Variants in SS18 observed in about 807,000 individuals in gnomAD.
SS18 encodes the protein protein SSXT.
A neutral mutation model predicts 72.5 loss-of-function variants in SS18; 28 were observed. The observed-to-expected ratio is 0.39, with a 90% CI of 0.29 to 0.53. SS18 has a LOEUF of 0.53. SS18 is among the 20% of genes least tolerant of loss of function. SS18 has a pLI of 0.76. For missense variants in SS18, 518 were observed against 535.3 expected, an observed-to-expected ratio of 0.97 and a Z score of 0.32; for synonymous variants, 172 against 164.2, an observed-to-expected ratio of 1.05 and a Z score of -0.37.
chr18:26,044,279 GTA>G (rs1568002312), intron 5 of SS18, among the ~76,000 whole-genome samples: 5 of 151,776 alleles, frequency 3.3e-5, no homozygotes, highest in African/African-American at 1.2e-4. Context: ...ATATAGTGAA[GTA>G]AGACGTGTTT....
At chr18:26,075,484 T>C (rs1490587773) in intron 3 of SS18, among the ~76,000 whole-genome samples, 2 of 152,080 alleles carry the variant, frequency 1.3e-5, no homozygotes, top group South Asian at 2.1e-4. Context: ...AAAAGTCTTA[T>C]AATCATCTCA....
Position 26,065,097 on chromosome 18 carries a change from T to C in SS18, c.232-7355A>G, listed in dbSNP as rs187536269. ...AAAGAGTTCACAAAATGGAAGGATA[T>C]GCCATCTTTGTTGACTGGAAGATTT... On this transcript the variant is annotated intron_variant, in intron 3 of 10. Coordinates refer to ENST00000415083, the MANE Select transcript of SS18 (RefSeq NM_001007559.3). 3.7e-3 allele frequency among the ~76,000 whole-genome samples: 570 copies of C among 152,262 alleles called. 1 individual carries two copies. The highest frequency in any genetic ancestry group is 6.0e-3 in the Non-Finnish European group (407 of 67,962).
intron 7 of SS18, 104 bp downstream of exon 7, chr18:26,038,451 C>A: frequency 9.6e-7 from 1 of 1,045,142 alleles, no homozygotes; most frequent in South Asian, 1.4e-5. Flanking sequence ...TTAGAGGAAA[C>A]AAATTGTTAG....
chr18:26,029,137 T>C (rs1015146525), intron 10 of SS18, among the ~76,000 whole-genome samples: 1 of 152,108 alleles, frequency 6.6e-6, no homozygotes, highest in Non-Finnish European at 1.5e-5. Context: ...AGAAACTCAC[T>C]TGATGCATGT....
At chr18:26,081,051 C>T (rs570238095) in intron 2 of SS18, among the ~76,000 whole-genome samples, 24 of 140,910 alleles carry the variant, frequency 1.7e-4, no homozygotes, top group South Asian at 4.3e-4. Flanking sequence ...ATTTTCAGTC[C>T]GCAGTCCGGC....
intron 5 of SS18, 101 bp from the exon 6 acceptor site, chr18:26,039,557 T>A (rs1427783051): frequency 3.2e-5 from 34 of 1,068,982 alleles, no homozygotes; most frequent in Non-Finnish European, 4.1e-5. Context: ...CAAAAATATA[T>A]AATTAAATGC....
At chr18:26,054,257 T>A (rs1241936875) in intron 4 of SS18, among the ~76,000 whole-genome samples, 2 of 152,208 alleles carry the variant, frequency 1.3e-5, no homozygotes, top group African/African-American at 4.8e-5. Flanking sequence ...AATCCATGGA[T>A]GTGAAATTCA....
At chr18:26,069,054 G>C (rs1726856408) in intron 3 of SS18, among the ~76,000 whole-genome samples, 1 of 152,110 alleles carries the variant, frequency 6.6e-6, no homozygotes, top group African/African-American at 2.4e-5. Context: ...ACCATCAGTT[G>C]AGTCTCCAAA....
At chr18:26,083,220 G>A (rs1359803787) in intron 2 of SS18, among the ~76,000 whole-genome samples, 1 of 152,104 alleles carries the variant, frequency 6.6e-6, no homozygotes, top group African/African-American at 2.4e-5. Context: ...GTGAGAAAAT[G>A]AGATCTAATC....
chr18:26,047,778 G>A (rs2053854698), intron 5 of SS18, among the ~76,000 whole-genome samples: 1 of 151,930 alleles, frequency 6.6e-6, no homozygotes, highest in Non-Finnish European at 1.5e-5. Flanking sequence ...AGGAGGCAGA[G>A]CTTGCAGTGA....
intron 5 of SS18, among the ~76,000 whole-genome samples, chr18:26,040,587 T>A (rs1288967792): frequency 6.6e-6 from 1 of 152,074 alleles, no homozygotes; most frequent in South Asian, 2.1e-4. Context: ...TAACAAACAA[T>A]TAAAAACAAA....
intron 10 of SS18, among the ~76,000 whole-genome samples, chr18:26,023,898 T>A (rs539832239): frequency 6.6e-6 from 1 of 150,890 alleles, no homozygotes; most frequent in African/African-American, 2.5e-5. Context: ...AAAAATAAAT[T>A]CAATACACTG....
At chr18:26,060,432 T>G (rs889868460) in intron 3 of SS18, among the ~76,000 whole-genome samples, 6 of 152,046 alleles carry the variant, frequency 3.9e-5, no homozygotes, top group African/African-American at 1.2e-4. Flanking sequence ...AGTTTTCACT[T>G]TATTAGGGTA....
At chr18:26,028,641 AAAG>A (rs2053492242) in intron 10 of SS18, among the ~76,000 whole-genome samples, 1 of 152,256 alleles carries the variant, frequency 6.6e-6, no homozygotes, top group Non-Finnish European at 1.5e-5. Context: ...ATGCTGAGTA[AAAG>A]AAGCCAGATA....
intron 10 of SS18, among the ~76,000 whole-genome samples, chr18:26,031,605 A>C (rs1321709963): frequency 6.6e-6 from 1 of 152,226 alleles, no homozygotes; most frequent in African/African-American, 2.4e-5. Flanking sequence ...CATTCATAAA[A>C]CGATGACTGT....
At chr18:26,075,286 T>G (rs1464579298) in intron 3 of SS18, among the ~76,000 whole-genome samples, 2 of 151,722 alleles carry the variant, frequency 1.3e-5, no homozygotes, top group Non-Finnish European at 3.0e-5. Flanking sequence ...AAATTACAGG[T>G]CAATCACACT....
In SS18 at chr18:26,016,591, C is replaced by T. The variant is rs1460398638; in HGVS notation, c.*1763G>A. 1.7e-4 allele frequency: 31 copies of T among 183,678 alleles called. No individual in the cohort carries two copies. The highest frequency in any genetic ancestry group is 4.7e-5 in the African/African-American group (2 of 42,502). The allele number at this position is 183,678 out of a possible 1,614,324, so 11.4% of individuals were successfully genotyped here. A position where few individuals can be genotyped will look rare whatever the true frequency, so the allele number is the denominator to read the frequency against. On this transcript the variant is annotated 3_prime_UTR_variant, in exon 11 of 11. Coordinates refer to ENST00000415083, the MANE Select transcript of SS18 (RefSeq NM_001007559.3). ...TACAAAAATTAGCTGGGTGTGGTGG[C>T]GGGTGCCTGTCATCCCAGCTACTCA... is the stretch of plus-strand genomic sequence containing the variant.
intron 10 of SS18, among the ~76,000 whole-genome samples, chr18:26,020,197 T>TA (rs1171775330): frequency 2.6e-5 from 4 of 152,144 alleles, no homozygotes; most frequent in Admixed American, 2.6e-4. Flanking sequence ...TATTTGAGTC[T>TA]AAAAAAACCT....
intron 3 of SS18, chr18:26,068,282 A>G (rs1424164702): frequency 6.6e-6 from 1 of 152,174 alleles, no homozygotes; most frequent in Non-Finnish European, 1.5e-5. Context: ...ACTGTAATTA[A>G]AAAACAAGGT....
Sources: gnomAD v4.1 joint callset for allele counts (sites outside exome capture counted in the v4.1 genomes callset) on GRCh38, gnomAD v4.1.1 for gene constraint, MANE v1.5 for transcripts, NCBI Gene and HGNC (gene_info 2026-07-23, HGNC 2026-07-21) for gene names.